Variants in THSD4 observed in about 807,000 individuals in gnomAD.
THSD4 encodes thrombospondin type-1 domain-containing protein 4.
In THSD4, 69 loss-of-function variants were observed where a neutral mutation model predicts 119.0. The ratio of observed to expected loss-of-function variants is 0.58; its 90% CI spans 0.48 to 0.71. The LOEUF (loss-of-function observed/expected upper bound fraction) is 0.71, where lower values mean the gene tolerates loss of function less well. THSD4 is among the 30% of genes least tolerant of loss of function. The probability of loss-of-function intolerance (pLI) is 0.00; values close to 1 mark genes in which losing one functional copy is unlikely to be tolerated. For synonymous variants in THSD4, 524 were observed against 540.4 expected, an observed-to-expected ratio of 0.97 and a Z score of 0.42; for missense variants, 1,393 against 1,391.1, an observed-to-expected ratio of 1.00 and a Z score of -0.02.
intron 6 of THSD4, among the ~76,000 whole-genome samples, chr15:71,313,013 A>G (rs2045133683): frequency 6.6e-6 from 1 of 152,196 alleles, no homozygotes; most frequent in African/African-American, 2.4e-5. Context: ...ACTCGCTAGA[A>G]CAGTGCCTGG....
intron 8 of THSD4, among the ~76,000 whole-genome samples, chr15:71,695,362 AGTGTGTGTGTATGTAT>A (rs1390524234): frequency 6.6e-6 from 1 of 150,696 alleles, no homozygotes; most frequent in Non-Finnish European, 1.5e-5. Flanking sequence ...TGTATGTATG[AGTGTGTGTGTATGTAT>A]GTGTGTGTGC....
intron 6 of THSD4, among the ~76,000 whole-genome samples, chr15:71,315,927 C>CTA (rs2045181012): frequency 6.6e-6 from 1 of 152,098 alleles, no homozygotes; most frequent in Admixed American, 6.6e-5. Context: ...TAACAAATGA[C>CTA]TATATATATA....
chr15:71,666,604 A>T (rs1466786002), intron 8 of THSD4, among the ~76,000 whole-genome samples: 1 of 152,198 alleles, frequency 6.6e-6, no homozygotes, highest in Non-Finnish European at 1.5e-5. Flanking sequence ...TGCTTATTCC[A>T]AAAAGCTTTA....
intron 6 of THSD4, among the ~76,000 whole-genome samples, chr15:71,273,152 C>A (rs536657792): frequency 7.6e-4 from 116 of 152,240 alleles, no homozygotes; most frequent in Non-Finnish European, 1.4e-3. Flanking sequence ...AAGTGCCTAT[C>A]GACAGCTGAA....
At chr15:71,634,180 T>C in intron 7 of THSD4, among the ~76,000 whole-genome samples, 1 of 136,148 alleles carries the variant, frequency 7.3e-6, no homozygotes, top group Non-Finnish European at 1.6e-5. Context: ...AGAGTGAAAC[T>C]CCGTCTCAAA....
At chr15:71,345,780 T>G (rs1463058537) in intron 6 of THSD4, among the ~76,000 whole-genome samples, 1 of 139,598 alleles carries the variant, frequency 7.2e-6, no homozygotes, top group African/African-American at 2.5e-5. Context: ...TAAGTGAACA[T>G]AATTCTTTGG....
At chr15:71,275,687 T>G (rs1188411733) in intron 6 of THSD4, among the ~76,000 whole-genome samples, 1 of 152,166 alleles carries the variant, frequency 6.6e-6, no homozygotes, top group Non-Finnish European at 1.5e-5. Flanking sequence ...AATCCCCACC[T>G]GTTATGGGAG....
chr15:71,389,439 T>C (rs2140465150), intron 6 of THSD4, among the ~76,000 whole-genome samples: 1 of 151,540 alleles, frequency 6.6e-6, no homozygotes, highest in Admixed American at 6.6e-5. Context: ...GGTTCATCCA[T>C]GTTGTAGCAC....
rs2049840119 is a variant in THSD4, at chr15:71,593,153, G to A, written c.1153-67377G>A. Reference sequence around the variant, plus strand: ...TAAAAAGAGCCTGTAGGCCGGGCGCGGTGGCTCACGCCTGTAATCCCAGCA... The same window carrying A: ...TAAAAAGAGCCTGTAGGCCGGGCGCAGTGGCTCACGCCTGTAATCCCAGCA... On this transcript the variant is annotated intron_variant, in intron 7 of 17. Coordinates refer to ENST00000261862, the MANE Select transcript of THSD4 (RefSeq NM_024817.3). 3.5e-4 allele frequency among the ~76,000 whole-genome samples: 2 copies of A among 5,714 alleles called. 1 individual carries two copies. Among genetic ancestry groups the A allele is most frequent in the Non-Finnish European group, 3.8e-3 (2 of 524 alleles). 3.7% of individuals were successfully genotyped at this position (5,714 alleles called of 152,430 possible). A position where few individuals can be genotyped will look rare whatever the true frequency, so the allele number is the denominator to read the frequency against.
At chr15:71,385,617 G>A (rs1457663074) in intron 6 of THSD4, among the ~76,000 whole-genome samples, 1 of 152,006 alleles carries the variant, frequency 6.6e-6, no homozygotes, top group East Asian at 1.9e-4. Flanking sequence ...GTTTGAATAC[G>A]TGGCCACCTG....
At chr15:71,554,839 G>A (rs2048993994) in intron 7 of THSD4, among the ~76,000 whole-genome samples, 1 of 151,926 alleles carries the variant, frequency 6.6e-6, no homozygotes, top group African/African-American at 2.4e-5. Context: ...TCTTAAAAAG[G>A]CATAATACTG....
At position 71,595,475 on chromosome 15, in the gene THSD4, C is replaced by A. The variant is rs563295401; in HGVS notation, c.1153-65055C>A. Among the ~76,000 whole-genome samples, 552 of 152,294 alleles carry A rather than the reference C, an allele frequency of 3.6e-3. 4 individuals are homozygous for A. Among genetic ancestry groups the A allele is most frequent in the African/African-American group, 0.013 (534 of 41,550 alleles). On this transcript the variant is annotated intron_variant, in intron 7 of 17. Transcript: ENST00000261862. ...TCTTGCCACCACCATGTAAGAAGTG[C>A]CTTTCGCCTCCTGCCATGATTCGGA...
chr15:71,679,033 C>T (rs1397763466), intron 8 of THSD4, among the ~76,000 whole-genome samples: 1 of 152,140 alleles, frequency 6.6e-6, no homozygotes, highest in African/African-American at 2.4e-5. Flanking sequence ...TGCTCTTTGT[C>T]TGAATTGATA....
intron 6 of THSD4, among the ~76,000 whole-genome samples, chr15:71,307,483 C>T (rs1976722): frequency 6.6e-6 from 1 of 152,208 alleles, no homozygotes; most frequent in Non-Finnish European, 1.5e-5. Context: ...ACTTAAAAAC[C>T]CATTCAGGCC....
At chr15:71,579,851 A>G (rs2049524794) in intron 7 of THSD4, among the ~76,000 whole-genome samples, 1 of 152,116 alleles carries the variant, frequency 6.6e-6, no homozygotes, top group Non-Finnish European at 1.5e-5. Context: ...GTTTTCTATC[A>G]CTATATAACA....
intron 8 of THSD4, among the ~76,000 whole-genome samples, chr15:71,679,192 A>G (rs1401534232): frequency 6.6e-6 from 1 of 152,232 alleles, no homozygotes; most frequent in Non-Finnish European, 1.5e-5. Flanking sequence ...GACTTTGAAA[A>G]GAGACCCAGT....
At chr15:71,659,475 A>G (rs530988239) in intron 7 of THSD4, among the ~76,000 whole-genome samples, 14 of 152,156 alleles carry the variant, frequency 9.2e-5, no homozygotes, top group South Asian at 2.1e-4. Flanking sequence ...CTGGAGTACA[A>G]TGATGCAATC....
At chr15:71,544,212 G>A (rs569191799) in intron 7 of THSD4, among the ~76,000 whole-genome samples, 2 of 152,298 alleles carry the variant, frequency 1.3e-5, no homozygotes, top group South Asian at 2.1e-4. Context: ...GTCATTAAGA[G>A]TCAGGCTCTG....
chr15:71,724,297 T>C (rs1421997146), intron 8 of THSD4, among the ~76,000 whole-genome samples: 2 of 41,626 alleles, frequency 4.8e-5, no homozygotes, highest in Admixed American at 4.2e-4. Flanking sequence ...ATTTTTTTTT[T>C]CCCCCCAAGA....
Sources: gnomAD v4.1 joint callset for allele counts (sites outside exome capture counted in the v4.1 genomes callset) on GRCh38, gnomAD v4.1.1 for gene constraint, MANE v1.5 for transcripts, NCBI Gene and HGNC (gene_info 2026-07-23, HGNC 2026-07-21) for gene names.